Variants in RYR2 observed in about 807,000 individuals in gnomAD.
RYR2 encodes ryanodine receptor 2.
A neutral mutation model predicts 601.1 loss-of-function variants in RYR2; 227 were observed. That is an observed-to-expected ratio of 0.38 (90% CI 0.34 to 0.42). The LOEUF is 0.42. Ranked by LOEUF, RYR2 falls within the 10% of genes least tolerant of loss-of-function variation. The pLI is 1.00. For synonymous variants in RYR2, 2,223 were observed against 2,175.1 expected (o/e 1.02, Z -0.61); for missense variants, 4,646 against 6,156.5 (o/e 0.75, Z 8.21).
At chr1:237,520,197 G>C (rs764935526) in intron 24 of RYR2, among the ~76,000 whole-genome samples, 1 of 152,118 alleles carries the variant, frequency 6.6e-6, no homozygotes, top group Non-Finnish European at 1.5e-5. Flanking sequence ...TCAAATAAGA[G>C]TTTTTTGTGG....
chr1:237,757,663 G>T, intron 81 of RYR2, 34 bp from the exon 82 acceptor site: 1 of 1,378,552 alleles, frequency 7.3e-7, no homozygotes, highest in East Asian at 2.3e-5. Context: ...AAGGCGAAAT[G>T]ATATAAGGAA....
intron 60 of RYR2, 150 bp from the exon 61 acceptor site, chr1:237,677,898 C>G (rs1558200816): frequency 1.7e-6 from 1 of 597,136 alleles, no homozygotes; most frequent in East Asian, 2.8e-5. Flanking sequence ...ATGACACTGC[C>G]AAAGTTTGCC....
intron 3 of RYR2, among the ~76,000 whole-genome samples, chr1:237,343,515 A>C (rs1158088785): frequency 6.6e-6 from 1 of 152,160 alleles, no homozygotes; most frequent in Non-Finnish European, 1.5e-5. Flanking sequence ...GTAGTGTATA[A>C]ACACTCAATA....
chr1:237,426,507 G>T (rs143349572), intron 12 of RYR2, among the ~76,000 whole-genome samples: 2 of 152,002 alleles, frequency 1.3e-5, no homozygotes, highest in Non-Finnish European at 2.9e-5. Context: ...TAGCACCTCC[G>T]TCCAGAAAGA....
intron 60 of RYR2, 74 bp downstream of exon 60, chr1:237,674,920 C>A (rs987510409): frequency 1.3e-6 from 1 of 773,754 alleles, no homozygotes; most frequent in Non-Finnish European, 2.1e-6. Context: ...GGATATAGAA[C>A]AACACAGGCT....
chr1:237,756,751 A>G (rs1416091184), intron 81 of RYR2, among the ~76,000 whole-genome samples: 1 of 152,174 alleles, frequency 6.6e-6, no homozygotes, highest in Non-Finnish European at 1.5e-5. Context: ...CAGCTCTTCA[A>G]CTGTGCCATG....
chr1:237,500,571 C>T lies in RYR2; in HGVS notation c.2204-140C>T, dbSNP rs867756810. ...GACAAAGAGTTTAACATGTAACATG[C>T]GTTTACATTCAAGATTTATTCCTTC... On this transcript the variant is annotated intron_variant, in intron 20 of 104. Transcript: ENST00000366574. 105 of 648,684 alleles carry T rather than the reference C, an allele frequency of 1.6e-4. No individual in the cohort carries two copies. In the Middle Eastern group the frequency reaches 1.8e-3, roughly 11 times the overall value. The allele number at this position is 648,684 out of a possible 1,614,324, so 40.2% of individuals were successfully genotyped here.
At chr1:237,832,512 C>CT in intron 104 of RYR2, 40 bp from the exon 105 acceptor site, 1 of 1,373,606 alleles carries the variant, frequency 7.3e-7, no homozygotes, top group Non-Finnish European at 1.0e-6. Flanking sequence ...TTAGCACACA[C>CT]TTTGGGGAAA....
At position 237,784,537 on chromosome 1, in the gene RYR2, C is replaced by G; in HGVS notation, c.12825C>G (p.Thr4275=). ...KKQMKKVKKM[T]VKDMVTAFFS... ...AGATGAAAAAAGTAAAAAAGATGAC[C>G]GTGAAGGACATGGTCACGGCCTTCT... The change falls in exon 90 of 105, where the codon ACC becomes ACG. Residue 4275 remains threonine (T), a synonymous_variant. Transcript: ENST00000366574. The surrounding 1 kb of genome is among the most constrained non-coding windows in gnomAD (Gnocchi z 7.1). 1 of 1,613,788 alleles carries G rather than the reference C, an allele frequency of 6.2e-7. No individual in the cohort carries two copies. The highest frequency in any genetic ancestry group is 8.5e-7 in the Non-Finnish European group (1 of 1,179,830).
At chr1:237,204,515 AAAAG>A (rs1389818993) in intron 1 of RYR2, among the ~76,000 whole-genome samples, 20 of 146,820 alleles carry the variant, frequency 1.4e-4, no homozygotes, top group African/African-American at 3.8e-4. Flanking sequence ...AAAAAAAAAA[AAAAG>A]AAAGAAAACT....
chr1:237,716,985 A>G (rs914998065), intron 71 of RYR2, among the ~76,000 whole-genome samples: 5 of 152,198 alleles, frequency 3.3e-5, no homozygotes, highest in South Asian at 2.1e-4. Context: ...ATACCAGTGA[A>G]TTATAATGAC....
intron 27 of RYR2, among the ~76,000 whole-genome samples, chr1:237,564,626 AT>A (rs1572891417): frequency 6.6e-6 from 1 of 152,090 alleles, no homozygotes; most frequent in Admixed American, 6.6e-5. Flanking sequence ...ATCTGATAGA[AT>A]TTTTTTCTCT....
intron 100 of RYR2, among the ~76,000 whole-genome samples, chr1:237,809,282 G>A (rs1052496428): frequency 2.6e-5 from 4 of 152,196 alleles, no homozygotes; most frequent in African/African-American, 7.2e-5. Flanking sequence ...CTTAGAACTC[G>A]AAGGAGTAAT....
chr1:237,270,192 C>T (rs991769265), intron 1 of RYR2: 8 of 456,998 alleles, frequency 1.8e-5, no homozygotes, highest in Non-Finnish European at 2.5e-5. Context: ...TATGAAAATC[C>T]TGTATTTTAC....
rs559547720 is a variant in RYR2, at chr1:237,283,313, C to T, written c.168+12697C>T. 2.6e-4 allele frequency among the ~76,000 whole-genome samples: 40 copies of T among 152,180 alleles called. 1 individual carries two copies. The highest frequency in any genetic ancestry group is 1.7e-3 in the Admixed American group (26 of 15,288). On this transcript the variant is annotated intron_variant, in intron 2 of 104. Transcript: ENST00000366574. Reference sequence around the variant, plus strand: ...TTCCTCTCTTTCTCATTCACTTGATCGCTTTTTCTCTTTTTCTTCCTCCCT... The same window carrying T: ...TTCCTCTCTTTCTCATTCACTTGATTGCTTTTTCTCTTTTTCTTCCTCCCT...
chr1:237,319,246 CAT>C (rs1406121632), intron 2 of RYR2, among the ~76,000 whole-genome samples: 1 of 152,020 alleles, frequency 6.6e-6, no homozygotes, highest in African/African-American at 2.4e-5. Flanking sequence ...GTTCTTTAAA[CAT>C]ATTTATAATA....
chr1:237,832,691 C>G lies in RYR2; in HGVS notation c.*44C>G. On this transcript the variant is annotated 3_prime_UTR_variant, in exon 105 of 105. Transcript: ENST00000366574. The stretch of plus-strand genomic sequence containing the variant: ...CTAAAAACCAAAACCCTACCCCTCT[C>G]TCTCCCTCTCTCAATTTCTCTGCTC... The G allele has an allele frequency of 9.2e-7, 1 of 1,082,372 alleles. No homozygotes were observed. 67.0% of individuals were successfully genotyped at this position (1,082,372 alleles called of 1,614,324 possible).
intron 1 of RYR2, among the ~76,000 whole-genome samples, chr1:237,244,397 A>G (rs869450): frequency 0.018 from 2,808 of 152,212 alleles, 86 homozygotes; most frequent in African/African-American, 0.064. Context: ...CCCAAATGGC[A>G]TGTTCAGAAT....
chr1:237,135,883 T>C (rs577786268), intron 1 of RYR2, among the ~76,000 whole-genome samples: 6 of 151,998 alleles, frequency 3.9e-5, no homozygotes, highest in East Asian at 1.9e-4. Flanking sequence ...AGAGAAGAGG[T>C]GGTGTGTGCA....
Sources: gnomAD v4.1 joint callset for allele counts (sites outside exome capture counted in the v4.1 genomes callset) on GRCh38, gnomAD v4.1.1 for gene constraint, Gnocchi (gnomAD v3.1) non-coding constraint, MANE v1.5 for transcripts, NCBI Gene and HGNC (gene_info 2026-07-23, HGNC 2026-07-21) for gene names.